LAMB4: variants seen among roughly 807,000 people sequenced by gnomAD.
LAMB4 encodes the protein laminin subunit beta 4, also known as laminin subunit beta-4.
A neutral mutation model predicts 199.2 loss-of-function variants in LAMB4; 196 were observed. The observed-to-expected ratio is 0.98, with a 90% CI of 0.88 to 1.11. The LOEUF (loss-of-function observed/expected upper bound fraction) is 1.11. Among genes scored for constraint, LAMB4 ranks in the 50% least tolerant of loss-of-function variants. The pLI, the probability that LAMB4 is intolerant of heterozygous loss-of-function variation, is 0.00. For missense variants in LAMB4, 2,080 were observed against 2,171.2 expected (o/e 0.96, Z 0.83); for synonymous variants, 744 against 770.6 (o/e 0.97, Z 0.57).
intron 33 of LAMB4, among the ~76,000 whole-genome samples, chr7:108,028,723 C>A (rs1410662784): frequency 6.6e-6 from 1 of 151,896 alleles, no homozygotes. Context: ...GTGATCCACC[C>A]GCCTTGGCCT....
In LAMB4 at chr7:108,066,420, G is replaced by T. The variant is rs1453928545; in HGVS notation, c.2627C>A (p.Thr876Lys). The T allele has an allele frequency of 1.9e-6, 3 of 1,614,094 alleles. No individual in the cohort carries two copies. Among genetic ancestry groups the T allele is most frequent in the Non-Finnish European group, 2.5e-6 (3 of 1,180,032 alleles). The change falls in exon 20 of 34, where the codon ACA becomes AAA. Residue 876 changes from threonine to lysine, a missense_variant. Physicochemically the swap from Thr to Lys is moderately conservative, Grantham distance 78 (BLOSUM62 -1). Transcript: ENST00000388781. ...GCCTCCACAATTGAAGCATGACCCT[G>T]TCTCAGGATCACAAAGTTCAGCAAA... ...NRFAELCDPE[T>K]GSCFNCGGFT...
downstream of LAMB4, among the ~76,000 whole-genome samples, chr7:108,018,683 C>T (rs2034632598): frequency 6.6e-6 from 1 of 152,112 alleles, no homozygotes; most frequent in Non-Finnish European, 1.5e-5. Flanking sequence ...CCAGCCTGGG[C>T]AACAGAGCAA....
intron 14 of LAMB4, among the ~76,000 whole-genome samples, chr7:108,085,787 G>T (rs2037149898): frequency 6.6e-6 from 1 of 151,972 alleles, no homozygotes. Flanking sequence ...CTAATTTTTT[G>T]TATTTTTAAT....
At chr7:108,108,714 G>C (rs2038112572) in intron 5 of LAMB4, among the ~76,000 whole-genome samples, 1 of 151,314 alleles carries the variant, frequency 6.6e-6, no homozygotes, top group African/African-American at 2.4e-5. Context: ...CGAGCATAAA[G>C]TCTGACATCA....
chr7:108,056,939 C>A (rs1287012362), intron 24 of LAMB4, among the ~76,000 whole-genome samples: 1 of 149,854 alleles, frequency 6.7e-6, no homozygotes, highest in Non-Finnish European at 1.5e-5. Flanking sequence ...CCACTGCACT[C>A]CAGCACAGGC....
chr7:108,094,248 G>A (rs867900128), intron 12 of LAMB4, among the ~76,000 whole-genome samples: 1 of 152,196 alleles, frequency 6.6e-6, no homozygotes, highest in Admixed American at 6.5e-5. Flanking sequence ...TGATTTGGTC[G>A]ATCACATAAT....
chr7:108,119,976 C>T (rs954652770), intron 2 of LAMB4, among the ~76,000 whole-genome samples: 3 of 152,048 alleles, frequency 2.0e-5, no homozygotes, highest in African/African-American at 7.2e-5. Flanking sequence ...ATCCCCAACC[C>T]CCATCAACCT....
intron 1 of LAMB4, 36 bp from the exon 2 acceptor site, chr7:108,123,233 G>A (rs2150699116): frequency 7.7e-7 from 1 of 1,300,056 alleles, no homozygotes; most frequent in Admixed American, 2.0e-5. Flanking sequence ...ATCACTGATA[G>A]AAGAAATAAT....
chr7:108,124,311 T>C (rs992348458), intron 1 of LAMB4, among the ~76,000 whole-genome samples: 9 of 152,372 alleles, frequency 5.9e-5, no homozygotes, highest in Non-Finnish European at 8.8e-5. Flanking sequence ...TTGGTTGATG[T>C]GTACTTGGTT....
chr7:108,125,221 C>A (rs918227339), intron 1 of LAMB4, among the ~76,000 whole-genome samples: 1 of 152,140 alleles, frequency 6.6e-6, no homozygotes, highest in Non-Finnish European at 1.5e-5. Context: ...CCACCCGAAC[C>A]TGCACAGGCA....
At chr7:108,086,540 T>C (rs2037183908) in intron 14 of LAMB4, among the ~76,000 whole-genome samples, 1 of 152,178 alleles carries the variant, frequency 6.6e-6, no homozygotes, top group South Asian at 2.1e-4. Context: ...ACTGGTCCCA[T>C]GGCCTACTTA....
chr7:108,077,555 G>A (rs567528786), intron 16 of LAMB4, among the ~76,000 whole-genome samples: 46 of 152,246 alleles, frequency 3.0e-4, no homozygotes, highest in Non-Finnish European at 4.1e-4. Flanking sequence ...TTAGCCAGGC[G>A]TGGTGGAATG....
chr7:108,013,778 A>G, the LAMB4 span, among the ~76,000 whole-genome samples: 2 of 152,214 alleles, frequency 1.3e-5, no homozygotes, highest in South Asian at 2.1e-4. Flanking sequence ...TGTTGTTTCC[A>G]GCAGAAAAAG....
intron 29 of LAMB4, among the ~76,000 whole-genome samples, chr7:108,041,570 A>G (rs989526562): frequency 6.6e-6 from 1 of 152,226 alleles, no homozygotes; most frequent in South Asian, 2.1e-4. Flanking sequence ...AGACATAAAA[A>G]AGAATGAGAT....
intron 33 of LAMB4, among the ~76,000 whole-genome samples, chr7:108,024,523 C>A (rs1434208659): frequency 1.3e-5 from 2 of 152,170 alleles, no homozygotes; most frequent in African/African-American, 2.4e-5. Context: ...ATTTTAGCTT[C>A]ATTTTAAAAC....
chr7:108,085,225 G>A (rs991623916), intron 14 of LAMB4, among the ~76,000 whole-genome samples: 5 of 152,152 alleles, frequency 3.3e-5, no homozygotes, highest in African/African-American at 1.2e-4. Flanking sequence ...AATGAAAACA[G>A]TTGACTTAGT....
chr7:108,028,023 G>A (rs1483245386), intron 33 of LAMB4, among the ~76,000 whole-genome samples: 1 of 152,082 alleles, frequency 6.6e-6, no homozygotes, highest in Non-Finnish European at 1.5e-5. Context: ...GGGTCAAGCA[G>A]TCCATCTGCC....
chr7:108,061,665 G>A (rs1584659230), intron 23 of LAMB4, among the ~76,000 whole-genome samples: 2 of 151,050 alleles, frequency 1.3e-5, no homozygotes, highest in African/African-American at 4.9e-5. Context: ...CTTGAACCCA[G>A]GAGGCAGAGG....
chr7:108,075,478 T>G (rs1431239524), intron 17 of LAMB4: 1 of 152,224 alleles, frequency 6.6e-6, no homozygotes, highest in African/African-American at 2.4e-5. Flanking sequence ...AAAACTTCGT[T>G]GGGCTATAGT....
Sources: allele counts gnomAD v4.1 joint callset (sites outside exome capture counted in the v4.1 genomes callset), GRCh38; gene constraint gnomAD v4.1.1; transcripts MANE v1.5; gene names NCBI Gene and HGNC (gene_info 2026-07-23, HGNC 2026-07-21).